RTN1: variants seen among roughly 807,000 people sequenced by gnomAD.
RTN1 encodes reticulon-1.
A neutral mutation model predicts 65.5 loss-of-function variants in RTN1; 25 were observed. The observed-to-expected ratio is 0.38, with a 90% CI of 0.28 to 0.53. The LOEUF (loss-of-function observed/expected upper bound fraction) is 0.53. Among genes scored for constraint, RTN1 ranks in the 20% least tolerant of loss-of-function variants. RTN1 has a pLI of 0.79. For missense variants in RTN1, 983 were observed against 1,025.4 expected, an observed-to-expected ratio of 0.96 and a Z score of 0.57; for synonymous variants, 471 against 447.6, an observed-to-expected ratio of 1.05 and a Z score of -0.66.
chr14:59,793,217 A>G (rs891499225), intron 1 of RTN1, among the ~76,000 whole-genome samples: 3 of 152,150 alleles, frequency 2.0e-5, no homozygotes, highest in African/African-American at 7.2e-5. Context: ...TTTGAATTCA[A>G]TATGTAGAAT....
chr14:59,710,785 A>G (rs967451115), intron 3 of RTN1, among the ~76,000 whole-genome samples: 2 of 152,236 alleles, frequency 1.3e-5, no homozygotes, highest in African/African-American at 4.8e-5. Flanking sequence ...TCCCTGAGTA[A>G]GCCCCACCAC....
rs187495506 is a variant in RTN1 at position 59,841,607 on chromosome 14, T to C, written c.241+28783A>G. ...CTGTAATCCCAGCTACTTGGGAGGC[T>C]GAGGCAGGAGAATCACTTGAACCCA... On this transcript the variant is annotated intron_variant, in intron 1 of 8. Coordinates refer to ENST00000267484, the MANE Select transcript of RTN1 (RefSeq NM_021136.3). Among the ~76,000 whole-genome samples, 7 of 150,984 alleles carry C rather than the reference T, an allele frequency of 4.6e-5. No homozygotes were observed. In the East Asian group the frequency reaches 1.4e-3, roughly 30 times the overall value.
In RTN1 at chr14:59,786,223, G is replaced by C. The variant is rs77143406; in HGVS notation, c.242-39742C>G. On this transcript the variant is annotated intron_variant, in intron 1 of 8. Coordinates refer to ENST00000267484, the MANE Select transcript of RTN1 (RefSeq NM_021136.3). ...AACCTACCTCAAACAGAAGTCCATG[G>C]AAACAGCAGAGGTTTTGCAGTCAGA... Among the ~76,000 whole-genome samples the C allele has an allele frequency of 8.6e-3, 1,302 of 152,250 alleles. 13 individuals are homozygous for C. The highest frequency in any genetic ancestry group is 0.03 in the African/African-American group (1,257 of 41,518).
At chr14:59,610,964 A>T (rs770017858) in intron 3 of RTN1, among the ~76,000 whole-genome samples, 1 of 152,102 alleles carries the variant, frequency 6.6e-6, no homozygotes, top group South Asian at 2.1e-4. Context: ...TTGACTCCCT[A>T]TGATTTCATC....
At chr14:59,686,861 C>T (rs569560854) in intron 3 of RTN1, among the ~76,000 whole-genome samples, 1 of 152,326 alleles carries the variant, frequency 6.6e-6, no homozygotes, top group East Asian at 1.9e-4. Context: ...AAGAACAGGA[C>T]ACCATTTTTA....
chr14:59,837,067 CATAAT>C (rs1158179798), intron 1 of RTN1, among the ~76,000 whole-genome samples: 1 of 151,462 alleles, frequency 6.6e-6, no homozygotes, highest in Non-Finnish European at 1.5e-5. Context: ...AGGACTACCT[CATAAT>C]ATAACATATC....
chr14:59,654,658 C>T (rs1225984179), intron 3 of RTN1, among the ~76,000 whole-genome samples: 1 of 151,502 alleles, frequency 6.6e-6, no homozygotes, highest in Non-Finnish European at 1.5e-5. Flanking sequence ...CAGGGTAAAA[C>T]AATGAATGTA....
intron 1 of RTN1, among the ~76,000 whole-genome samples, chr14:59,815,465 C>T (rs905814784): frequency 1.2e-4 from 18 of 152,284 alleles, no homozygotes; most frequent in Non-Finnish European, 2.5e-4. Flanking sequence ...ATCCCAAATC[C>T]CCCTACAGTT....
rs2140154000 is a variant in RTN1 at position 59,596,769 on chromosome 14, T to C, written c.2307A>G (p.Pro769=). The C allele has an allele frequency of 6.2e-7, 1 of 1,611,492 alleles. No individual in the cohort carries two copies. The stretch of plus-strand genomic sequence containing the variant: ...TTTACTCAGCATGCCTCTTAGCGCC[T>C]GGGATTTTAGCCTGAATCCTAAAAA... ...AVVAKIQAKI[P]GAKRHAE Residue 769 remains proline, a synonymous_variant, in exon 9 of 9, where the codon CCA becomes CCG. Coordinates refer to ENST00000267484, the MANE Select transcript of RTN1 (RefSeq NM_021136.3).
At chr14:59,813,795 A>G (rs1157737254) in intron 1 of RTN1, among the ~76,000 whole-genome samples, 2 of 152,182 alleles carry the variant, frequency 1.3e-5, no homozygotes, top group Non-Finnish European at 2.9e-5. Flanking sequence ...TTTTTTCTCT[A>G]TTTCCAAGAT....
rs1366941507 is a variant in RTN1 at position 59,794,465 on chromosome 14, G to T, written c.242-47984C>A. ...TCATCAGCCAACAGATGTCTTTTTT[G>T]TTTTGACCATTCTGAATTGAGTTTC... On this transcript the variant is annotated intron_variant, in intron 1 of 8. Transcript: ENST00000267484. This position sits in a 1 kb window ranked among gnomAD's most constrained non-coding sequence, Gnocchi z 5.1. 6.6e-6 allele frequency among the ~76,000 whole-genome samples: 1 copy of T among 152,048 alleles called. No homozygotes were observed. The highest frequency in any genetic ancestry group is 1.5e-5 in the Non-Finnish European group (1 of 67,970).
intron 1 of RTN1, among the ~76,000 whole-genome samples, chr14:59,751,925 T>C (rs1885530555): frequency 6.6e-6 from 1 of 152,048 alleles, no homozygotes; most frequent in African/African-American, 2.4e-5. Flanking sequence ...TTGCCACCAT[T>C]CCTCTCACCC....
intron 1 of RTN1, among the ~76,000 whole-genome samples, chr14:59,787,892 T>C (rs1347135433): frequency 6.6e-6 from 1 of 152,208 alleles, no homozygotes; most frequent in Non-Finnish European, 1.5e-5. Flanking sequence ...ATTTTATGCA[T>C]ACATTAGCCT....
At chr14:59,714,760 T>C (rs1884498796) in intron 3 of RTN1, among the ~76,000 whole-genome samples, 1 of 152,164 alleles carries the variant, frequency 6.6e-6, no homozygotes, top group East Asian at 1.9e-4. Context: ...CATTACAACA[T>C]GGGCATCATA....
rs1348092749 is a variant in RTN1, at chr14:59,745,821, G to A, written c.902C>T (p.Pro301Leu). ...SVETTTQEKTPEKQDICLKPS... is the reference protein window; with the variant it reads ...SVETTTQEKTLEKQDICLKPS... ...CTTTAGACATATATCTTGCTTCTCAGGGGTCTTCTCTTGGGTAGTGGTTTC... is the reference window on the plus strand; with the variant it reads ...CTTTAGACATATATCTTGCTTCTCAAGGGTCTTCTCTTGGGTAGTGGTTTC... Residue 301 changes from proline to leucine, a missense_variant, in exon 2 of 9, where the codon CCT becomes CTT. This residue lies in a region of RTN1 where 818 missense variants were observed against 801.8 expected (regional missense o/e 1.02). Transcript: ENST00000267484. 5 of 1,614,066 alleles carry A rather than the reference G, an allele frequency of 3.1e-6. No individual in the cohort carries two copies. In the South Asian group the frequency reaches 4.4e-5, roughly 14 times the overall value.
chr14:59,735,236 A>G (rs2139491028), intron 2 of RTN1, among the ~76,000 whole-genome samples: 1 of 152,356 alleles, frequency 6.6e-6, no homozygotes, highest in East Asian at 1.9e-4. Context: ...TCCTGAAGGA[A>G]ACACTGAATA....
intron 3 of RTN1, among the ~76,000 whole-genome samples, chr14:59,700,935 C>T (rs776510891): frequency 1.3e-5 from 2 of 152,070 alleles, no homozygotes; most frequent in Non-Finnish European, 2.9e-5. Flanking sequence ...ACACAATCCA[C>T]AGAACAAGAT....
Position 59,804,568 on chromosome 14 carries a change from G to A in RTN1, c.242-58087C>T, listed in dbSNP as rs894893586. Among the ~76,000 whole-genome samples, 6 of 152,028 alleles carry A rather than the reference G, an allele frequency of 3.9e-5. No homozygotes were observed. The East Asian group carries it at 1.2e-3, about 29-fold the overall frequency. ...GAATTATAGAATACTCACCCATTTG[G>A]TGACTCCTAGAGTCCGAAAAAGTCA... is the stretch of plus-strand genomic sequence containing the variant. On this transcript the variant is annotated intron_variant, in intron 1 of 8. Transcript: ENST00000267484.
At chr14:59,844,171 G>C (rs571127648) in intron 1 of RTN1, among the ~76,000 whole-genome samples, 1 of 152,272 alleles carries the variant, frequency 6.6e-6, no homozygotes, top group South Asian at 2.1e-4. Flanking sequence ...GTATAGAAGG[G>C]AGACAAATGT....
Sources: gnomAD v4.1 joint callset for allele counts (sites outside exome capture counted in the v4.1 genomes callset) on GRCh38, gnomAD v4.1.1 for gene constraint, gnomAD v4.1.1 regional missense constraint, Gnocchi (gnomAD v3.1) non-coding constraint, MANE v1.5 for transcripts, NCBI Gene and HGNC (gene_info 2026-07-23, HGNC 2026-07-21) for gene names.